The following IGF1R variants were observed in gnomAD, a reference collection of about 807,000 sequenced individuals.
IGF1R encodes insulin like growth factor 1 receptor, also known as insulin-like growth factor 1 receptor.
Under a neutral mutation model 144.6 loss-of-function variants are expected in IGF1R, and 44 were observed. The ratio of observed to expected loss-of-function variants is 0.30; its 90% CI spans 0.24 to 0.39. The LOEUF is 0.39. IGF1R is among the 10% of genes least tolerant of loss of function. The pLI is 1.00. For synonymous variants in IGF1R, 795 were observed against 722.8 expected (o/e 1.10, Z -1.60); for missense variants, 1,355 against 1,833.7 (o/e 0.74, Z 4.77).
At chr15:98,930,118 T>C (rs1022405220) in intron 14 of IGF1R, 117 bp from the exon 15 acceptor site, 2 of 780,084 alleles carry the variant, frequency 2.6e-6, no homozygotes, top group Non-Finnish European at 4.5e-6. Flanking sequence ...GCTCTCCCCA[T>C]TCTGTTCTGA....
intron 2 of IGF1R, among the ~76,000 whole-genome samples, chr15:98,855,443 G>T (rs1445751431): frequency 6.6e-6 from 1 of 152,228 alleles, no homozygotes; most frequent in Non-Finnish European, 1.5e-5. Flanking sequence ...ATTACAAGCA[G>T]TGCTTTTTAT....
intron 13 of IGF1R, among the ~76,000 whole-genome samples, chr15:98,925,106 A>G (rs756328151): frequency 1.1e-4 from 17 of 152,018 alleles, no homozygotes; most frequent in Non-Finnish European, 2.2e-4. Flanking sequence ...TTGAAATCCT[A>G]AGGGGTGTAA....
chr15:98,958,915 C>T lies in IGF1R; in HGVS notation c.*1473C>T, dbSNP rs1425310623. 3.0e-5 allele frequency: 7 copies of T among 233,372 alleles called. No homozygotes were observed. Among genetic ancestry groups the T allele is most frequent in the Non-Finnish European group, 5.9e-5 (7 of 118,036 alleles). The allele number at this position is 233,372 out of a possible 1,614,324, so 14.5% of individuals were successfully genotyped here. ...GATGCCTTTTTATAAATACATCCCC[C>T]ATCCCTGCTCCCACCTGCCCCTTTA... On this transcript the variant is annotated 3_prime_UTR_variant, in exon 21 of 21. Coordinates refer to ENST00000650285, the MANE Select transcript of IGF1R (RefSeq NM_000875.5).
In IGF1R at chr15:98,899,556, T is replaced by C; in HGVS notation, c.1182T>C (p.His394=). 3 of 1,614,194 alleles carry C rather than the reference T, an allele frequency of 1.9e-6. No individual in the cohort carries two copies. In the African/African-American group the frequency reaches 4.0e-5, roughly 22 times the overall value. Reference sequence around the variant, plus strand: ...GCTACGTGAAGATCCGCCATTCTCATGCCTTGGTCTCCTTGTCCTTCCTAA... The same window carrying C: ...GCTACGTGAAGATCCGCCATTCTCACGCCTTGGTCTCCTTGTCCTTCCTAA... ...VTGYVKIRHS[H]ALVSLSFLKN... The change falls in exon 5 of 21, where the codon CAT becomes CAC. Residue 394 remains histidine (H), a synonymous_variant. Coordinates refer to ENST00000650285, the MANE Select transcript of IGF1R (RefSeq NM_000875.5).
At chr15:98,868,370 TGGG>T (rs5814907) in intron 2 of IGF1R, among the ~76,000 whole-genome samples, 24,051 of 122,646 alleles carry the variant, frequency 0.2, 2,531 homozygotes, top group East Asian at 0.41. Flanking sequence ...TTTTTTTTTT[TGGG>T]GGGGGGGTCC....
At chr15:98,800,379 A>G (rs1436741307) in intron 2 of IGF1R, among the ~76,000 whole-genome samples, 2 of 152,212 alleles carry the variant, frequency 1.3e-5, no homozygotes, top group Admixed American at 1.3e-4. Context: ...GGTAATATCC[A>G]TTTAAAAGTG....
intron 1 of IGF1R, among the ~76,000 whole-genome samples, chr15:98,684,401 TGGG>T (rs2053270471): frequency 1.7e-5 from 1 of 59,088 alleles, no homozygotes; most frequent in Admixed American, 2.4e-4. Context: ...TGCTTGCTAA[TGGG>T]GGAGGTGGGG....
intron 2 of IGF1R, among the ~76,000 whole-genome samples, chr15:98,715,188 G>A (rs1224995010): frequency 2.6e-5 from 4 of 152,156 alleles, no homozygotes; most frequent in Non-Finnish European, 5.9e-5. Flanking sequence ...CCTGATTGCC[G>A]ACGCTTGTTG....
At chr15:98,941,592 T>C (rs1449723345) in intron 18 of IGF1R, among the ~76,000 whole-genome samples, 1 of 152,252 alleles carries the variant, frequency 6.6e-6, no homozygotes, top group African/African-American at 2.4e-5. Flanking sequence ...ACTGTATTAA[T>C]TCACAGATAA....
chr15:98,883,762 T>C (rs1404525985), intron 2 of IGF1R, among the ~76,000 whole-genome samples: 3 of 152,176 alleles, frequency 2.0e-5, no homozygotes, highest in Non-Finnish European at 2.9e-5. Flanking sequence ...AAAATAAAGA[T>C]ACCCTTTCTG....
chr15:98,679,189 A>C (rs2053125967), intron 1 of IGF1R, among the ~76,000 whole-genome samples: 1 of 152,194 alleles, frequency 6.6e-6, no homozygotes, highest in African/African-American at 2.4e-5. Context: ...TACAGGCATG[A>C]GCCACCATGC....
chr15:98,810,111 G>A (rs1181511999), intron 2 of IGF1R, among the ~76,000 whole-genome samples: 4 of 147,364 alleles, frequency 2.7e-5, no homozygotes, highest in Non-Finnish European at 5.9e-5. Context: ...GGCCCAGGGT[G>A]TCCAGCTTTG....
chr15:98,888,089 T>C lies in IGF1R; in HGVS notation c.641-3236T>C, dbSNP rs899207576. On this transcript the variant is annotated intron_variant, in intron 2 of 20. Transcript: ENST00000650285. ...TCTTTATTCCTCCCTTGCTCATCTT[T>C]CCACTTTCAACTCCACAAAACCGTC... 2.6e-5 allele frequency among the ~76,000 whole-genome samples: 4 copies of C among 152,158 alleles called. No homozygotes were observed. The East Asian group carries it at 5.8e-4, about 22-fold the overall frequency.
rs2017267324 is a variant in IGF1R, at chr15:98,962,541, A to G, written c.*5099A>G. ...GATGCTGAAGATACAGACCTTGGACAGGTCAGAGGGTTTCATTTTTGGCCT... is the reference window on the plus strand; with the variant it reads ...GATGCTGAAGATACAGACCTTGGACGGGTCAGAGGGTTTCATTTTTGGCCT... On this transcript the variant is annotated 3_prime_UTR_variant, in exon 21 of 21. Transcript: ENST00000650285. The G allele has an allele frequency of 8.6e-6, 2 of 233,608 alleles. No individual in the cohort carries two copies. The highest frequency in any genetic ancestry group is 1.1e-4 in the Admixed American group (2 of 17,780). The allele number at this position is 233,608 out of a possible 1,614,324, so 14.5% of individuals were successfully genotyped here. A position where few individuals can be genotyped will look rare whatever the true frequency, so the allele number is the denominator to read the frequency against.
chr15:98,919,183 T>C (rs1033200949), intron 10 of IGF1R, among the ~76,000 whole-genome samples: 2 of 152,222 alleles, frequency 1.3e-5, no homozygotes, highest in Non-Finnish European at 2.9e-5. Flanking sequence ...GACCTGGTCC[T>C]CATTCCCACA....
chr15:98,906,279 A>G (rs551487672), intron 5 of IGF1R, among the ~76,000 whole-genome samples: 41 of 152,230 alleles, frequency 2.7e-4, no homozygotes, highest in Non-Finnish European at 3.8e-4. Context: ...GTTTATGAAA[A>G]GAGGCCTGGT....
At chr15:98,709,037 A>G (rs1447421401) in intron 2 of IGF1R, among the ~76,000 whole-genome samples, 2 of 152,180 alleles carry the variant, frequency 1.3e-5, no homozygotes, top group Non-Finnish European at 2.9e-5. Context: ...ACCTTATTGC[A>G]TTCAGCAATA....
chr15:98,671,455 T>C (rs935373771), intron 1 of IGF1R, among the ~76,000 whole-genome samples: 1 of 152,192 alleles, frequency 6.6e-6, no homozygotes, highest in African/African-American at 2.4e-5. Context: ...GTAAGGAGCA[T>C]GTCCCAACTG....
intron 2 of IGF1R, among the ~76,000 whole-genome samples, chr15:98,710,689 G>A (rs1404712072): frequency 2.1e-5 from 3 of 143,504 alleles, no homozygotes; most frequent in South Asian, 2.2e-4. Flanking sequence ...TTTTTGAGGC[G>A]GAGTTTCGCT....
Sources: gnomAD v4.1 joint callset for allele counts (sites outside exome capture counted in the v4.1 genomes callset) on GRCh38, gnomAD v4.1.1 for gene constraint, MANE v1.5 for transcripts, NCBI Gene and HGNC (gene_info 2026-07-23, HGNC 2026-07-21) for gene names.